Variants in DPP6 observed in about 807,000 individuals in gnomAD.
The protein encoded by DPP6 is A-type potassium channel modulatory protein DPP6.
A neutral mutation model predicts 122.6 loss-of-function variants in DPP6; 69 were observed. That is an observed-to-expected ratio of 0.56 (90% CI 0.46 to 0.69). The LOEUF is 0.69. DPP6 is among the 30% of genes least tolerant of loss of function. The probability of loss-of-function intolerance (pLI) is 0.00; values close to 1 mark genes in which losing one functional copy is unlikely to be tolerated. For synonymous variants in DPP6, 418 were observed against 433.1 expected (o/e 0.97, Z 0.43); for missense variants, 928 against 1,116.9 (o/e 0.83, Z 2.41).
chr7:153,983,240 C>T (rs954373585), intron 1 of DPP6, among the ~76,000 whole-genome samples: 30 of 152,228 alleles, frequency 2.0e-4, no homozygotes, highest in Admixed American at 1.3e-3. Context: ...CAGAGATGCC[C>T]TGCCCAGAGA....
rs183834512 is a variant in DPP6 at position 154,302,548 on chromosome 7, G to A, written c.244-143666G>A. Among the ~76,000 whole-genome samples, 19 of 152,342 alleles carry A rather than the reference G, an allele frequency of 1.2e-4. No individual in the cohort carries two copies. The East Asian group carries it at 2.5e-3, about 20-fold the overall frequency. ...CAGATGGGTGAATGGCAGAGTAGAT[G>A]AGTGAGGGAGGTGGGGAGCCCCGGT... is the stretch of plus-strand genomic sequence containing the variant. On this transcript the variant is annotated intron_variant, in intron 1 of 25. Coordinates refer to ENST00000377770, the MANE Select transcript of DPP6 (RefSeq NM_130797.4).
chr7:154,459,534 G>T (rs1821091211), intron 2 of DPP6, among the ~76,000 whole-genome samples: 1 of 152,038 alleles, frequency 6.6e-6, no homozygotes, highest in Admixed American at 6.6e-5. Context: ...AAAAACAGTA[G>T]AAATATATTA....
intron 1 of DPP6, among the ~76,000 whole-genome samples, chr7:153,940,584 C>G (rs182010318): frequency 6.6e-6 from 1 of 152,202 alleles, no homozygotes; most frequent in Non-Finnish European, 1.5e-5. Flanking sequence ...GGGATGGGAC[C>G]ACGGTCTACC....
intron 1 of DPP6, among the ~76,000 whole-genome samples, chr7:154,033,176 C>T (rs1339150079): frequency 6.6e-6 from 1 of 152,184 alleles, no homozygotes; most frequent in East Asian, 1.9e-4. Flanking sequence ...TCCAGAGGTT[C>T]GGCCACCAGG....
chr7:154,595,778 T>G (rs527606326), intron 5 of DPP6, among the ~76,000 whole-genome samples: 1 of 152,352 alleles, frequency 6.6e-6, no homozygotes, highest in South Asian at 2.1e-4. Context: ...TTGAGTAGCA[T>G]GGCTGGGTGC....
At chr7:153,869,790 G>C in the DPP6 span, among the ~76,000 whole-genome samples, 1 of 152,166 alleles carries the variant, frequency 6.6e-6, no homozygotes, top group East Asian at 1.9e-4. Context: ...GGCTGGTACT[G>C]GTTGTTCCTT....
chr7:154,267,635 C>G (rs1309270830), intron 1 of DPP6, among the ~76,000 whole-genome samples: 3 of 150,654 alleles, frequency 2.0e-5, no homozygotes, highest in Admixed American at 6.6e-5. Context: ...CACACATATA[C>G]ATGCACACAT....
rs1838288618 is a variant in DPP6, at chr7:154,668,197, T to TATATATATATATATATATA, written c.681-1163_681-1162insATATATATATATATATATA. On this transcript the variant is annotated intron_variant, in intron 6 of 25. Transcript: ENST00000377770. Reference sequence around the variant, plus strand: ...GTGCATTCCCAGCTATGTGTATATTTTATATATATATATATATATATAATA... The same window carrying TATATATATATATATATATA: ...GTGCATTCCCAGCTATGTGTATATTTATATATATATATATATATATATATATATATATATATATATAATA... Among the ~76,000 whole-genome samples, 95 of 36,454 alleles carry TATATATATATATATATATA rather than the reference T, an allele frequency of 2.6e-3. 2 individuals carry two copies. Among genetic ancestry groups the TATATATATATATATATATA allele is most frequent in the African/African-American group, 4.5e-3 (76 of 16,948 alleles). The allele number at this position is 36,454 out of a possible 152,430, so 23.9% of individuals were successfully genotyped here.
At chr7:153,876,850 C>T in the DPP6 span, among the ~76,000 whole-genome samples, 1 of 151,926 alleles carries the variant, frequency 6.6e-6, no homozygotes, top group Non-Finnish European at 1.5e-5. Context: ...TTTTACTGTA[C>T]CTTTTCTATG....
chr7:153,928,396 A>ATTTTTTTTTTTTTTTTTGTTTTTT, intron 1 of DPP6, among the ~76,000 whole-genome samples: 1 of 43,672 alleles, frequency 2.3e-5, no homozygotes, highest in Non-Finnish European at 4.4e-5. Flanking sequence ...CTTTTCTTTC[A>ATTTTTTTTTTTTTTTTTGTTTTTT]TTTTTTTTTT....
At chr7:154,085,028 A>G (rs1204588007) in intron 1 of DPP6, among the ~76,000 whole-genome samples, 2 of 151,504 alleles carry the variant, frequency 1.3e-5, no homozygotes, top group Non-Finnish European at 2.9e-5. Flanking sequence ...CCTTTATAAA[A>G]CCTTGTTGTA....
intron 1 of DPP6, among the ~76,000 whole-genome samples, chr7:154,306,641 T>C (rs1806371930): frequency 1.3e-5 from 2 of 152,220 alleles, no homozygotes; most frequent in Non-Finnish European, 2.9e-5. Flanking sequence ...TTTGGATTTG[T>C]ATTTAGTGGG....
intron 1 of DPP6, among the ~76,000 whole-genome samples, chr7:154,088,264 G>T (rs1301926166): frequency 1.3e-5 from 2 of 151,302 alleles, no homozygotes; most frequent in Non-Finnish European, 2.9e-5. Flanking sequence ...GCCCAGTGGG[G>T]CTTGGGCTGC....
intron 1 of DPP6, among the ~76,000 whole-genome samples, chr7:154,159,477 A>G (rs1307519525): frequency 1.3e-5 from 2 of 152,264 alleles, no homozygotes; most frequent in Non-Finnish European, 2.9e-5. Context: ...AAGAATCCAG[A>G]ATGTTTAAAT....
chr7:153,775,225 A>C, the DPP6 span, among the ~76,000 whole-genome samples: 1 of 145,120 alleles, frequency 6.9e-6, no homozygotes, highest in Non-Finnish European at 1.5e-5. Flanking sequence ...TGTTCCAAGC[A>C]TGCAAGGCTT....
At chr7:153,991,520 G>C (rs543069071) in intron 1 of DPP6, among the ~76,000 whole-genome samples, 4 of 152,250 alleles carry the variant, frequency 2.6e-5, no homozygotes, top group African/African-American at 7.2e-5. Context: ...ACGGAGCATT[G>C]ATTTTCTACA....
intron 1 of DPP6, among the ~76,000 whole-genome samples, chr7:154,151,919 AC>A (rs1796443996): frequency 6.6e-6 from 1 of 151,208 alleles, no homozygotes; most frequent in Admixed American, 6.6e-5. Flanking sequence ...TTTGAGCATC[AC>A]CTGCCTACGA....
At chr7:154,054,766 T>G (rs1428350536) in intron 1 of DPP6, among the ~76,000 whole-genome samples, 1 of 149,562 alleles carries the variant, frequency 6.7e-6, no homozygotes, top group African/African-American at 2.5e-5. Flanking sequence ...AAAAATGTAC[T>G]TTTTACCTTA....
chr7:154,861,617 G>GAATT (rs1481151414), intron 17 of DPP6, among the ~76,000 whole-genome samples: 1 of 152,140 alleles, frequency 6.6e-6, no homozygotes, highest in Non-Finnish European at 1.5e-5. Context: ...TTGTTGGATG[G>GAATT]AATTATTATC....
Sources: allele counts gnomAD v4.1 joint callset (sites outside exome capture counted in the v4.1 genomes callset), GRCh38; gene constraint gnomAD v4.1.1; transcripts MANE v1.5; gene names NCBI Gene and HGNC (gene_info 2026-07-23, HGNC 2026-07-21).